PCOLCE2: variants seen among roughly 807,000 people sequenced by gnomAD.
PCOLCE2 encodes procollagen C-proteinase enhancer 2.
PCOLCE2 carries 42 observed loss-of-function variants against 47.0 expected under a neutral mutation model. The ratio of observed to expected loss-of-function variants is 0.89; its 90% CI spans 0.70 to 1.16. The LOEUF is 1.16. Among genes scored for constraint, PCOLCE2 ranks in the 50% most tolerant of loss-of-function variants. PCOLCE2 has a pLI of 0.00. For missense variants in PCOLCE2, 500 were observed against 526.1 expected (o/e 0.95, Z 0.49); for synonymous variants, 169 against 191.7 (o/e 0.88, Z 0.98).
At chr3:142,829,889 G>A (rs940997700) in intron 5 of PCOLCE2, 43 bp from the exon 6 acceptor site, 11 of 1,183,556 alleles carry the variant, frequency 9.3e-6, no homozygotes, top group Admixed American at 6.7e-5. Flanking sequence ...ACTTAAAAGT[G>A]GTGCCTCTCT....
rs143280691 is a variant in PCOLCE2, at chr3:142,838,870, G to A, written c.610C>T (p.Arg204Ter). ...ELKFEKFDVERDNYCRYDYVA... is the reference protein window; with the variant it reads ...ELKFEKFDVE ...TAATCATATCGGCAGTAGTTATCTC[G>A]CTCCACATCAAACTTCTCAAACTTT... The change falls in exon 5 of 9, where the codon CGA becomes TGA. Residue 204 changes from arginine to a stop codon, truncating the protein, a stop_gained. Transcript: ENST00000295992. LOFTEE classifies it high-confidence loss of function. 5.7e-5 allele frequency: 92 copies of A among 1,612,498 alleles called. No individual in the cohort carries two copies. The highest frequency in any genetic ancestry group is 1.5e-4 in the South Asian group (14 of 91,032).
intron 2 of PCOLCE2, among the ~76,000 whole-genome samples, chr3:142,885,853 C>T (rs1170310488): frequency 6.6e-6 from 1 of 152,212 alleles, no homozygotes; most frequent in East Asian, 1.9e-4. Context: ...CTACAGAGTC[C>T]TGTTTACCTT....
intron 6 of PCOLCE2, among the ~76,000 whole-genome samples, chr3:142,828,866 C>T (rs1161385590): frequency 2.0e-5 from 3 of 152,198 alleles, no homozygotes; most frequent in Non-Finnish European, 4.4e-5. Flanking sequence ...AGGCAGTACA[C>T]GTCCACACCA....
chr3:142,819,474 T>C (rs1330208031), intron 8 of PCOLCE2, among the ~76,000 whole-genome samples: 1 of 152,134 alleles, frequency 6.6e-6, no homozygotes, highest in African/African-American at 2.4e-5. Flanking sequence ...GCTAGCAGCA[T>C]TATGAGACCT....
rs563783614 is a variant in PCOLCE2, at chr3:142,883,822, G to C, written c.192+3847C>G. Among the ~76,000 whole-genome samples the C allele has an allele frequency of 6.5e-3, 990 of 152,256 alleles. 7 individuals carry two copies. The highest frequency in any genetic ancestry group is 0.023 in the African/African-American group (949 of 41,542). ...CAAGGAACAGAGGTATTGATGATTT[G>C]CCGAGTTTGCAATGAATTTATAATG... On this transcript the variant is annotated intron_variant, in intron 2 of 8. Coordinates refer to ENST00000295992, the MANE Select transcript of PCOLCE2 (RefSeq NM_013363.4).
intron 5 of PCOLCE2, among the ~76,000 whole-genome samples, chr3:142,834,333 A>G (rs1937181089): frequency 6.6e-6 from 1 of 152,214 alleles, no homozygotes; most frequent in East Asian, 1.9e-4. Context: ...GCTAGGCTTA[A>G]TGGAAAACCA....
intron 2 of PCOLCE2, among the ~76,000 whole-genome samples, chr3:142,850,587 T>C (rs1937379175): frequency 6.6e-6 from 1 of 152,122 alleles, no homozygotes; most frequent in Non-Finnish European, 1.5e-5. Flanking sequence ...AATGGGCAAC[T>C]GAGTTAAGTG....
chr3:142,853,649 G>C (rs1381398772), intron 2 of PCOLCE2, among the ~76,000 whole-genome samples: 1 of 152,180 alleles, frequency 6.6e-6, no homozygotes, highest in Admixed American at 6.5e-5. Flanking sequence ...CCTGGCAGCA[G>C]AGCTCCAAAA....
intron 2 of PCOLCE2, among the ~76,000 whole-genome samples, chr3:142,882,271 A>C (rs1452814400): frequency 3.3e-5 from 5 of 151,912 alleles, no homozygotes; most frequent in African/African-American, 1.2e-4. Context: ...GATCTTGAAC[A>C]CCTTGCTGCA....
At chr3:142,830,034 T>A (rs144948421) in intron 5 of PCOLCE2, among the ~76,000 whole-genome samples, 188 bp from the exon 6 acceptor site, 43 of 152,356 alleles carry the variant, frequency 2.8e-4, no homozygotes, top group Non-Finnish European at 4.7e-4. Context: ...AGCTAGGCAC[T>A]GTGCTTTATG....
At chr3:142,853,372 C>T (rs555780783) in intron 2 of PCOLCE2, among the ~76,000 whole-genome samples, 1 of 152,254 alleles carries the variant, frequency 6.6e-6, no homozygotes, top group South Asian at 2.1e-4. Flanking sequence ...TAGCAGTGCT[C>T]CCCTCAGGTC....
rs762662333 is a variant in PCOLCE2, at chr3:142,823,527, C to A, written c.949+5G>T. The A allele has an allele frequency of 6.4e-7, 1 of 1,573,026 alleles. No individual in the cohort carries two copies. The highest frequency in any genetic ancestry group is 8.7e-7 in the Non-Finnish European group (1 of 1,145,704). ...AAGAGAAAAAGACTGGCTTTTATTT[C>A]TTACCAAAGTCACTTGAACAATAAT... is the stretch of plus-strand genomic sequence containing the variant. On this transcript the variant is annotated splice_donor_5th_base_variant and intron_variant, in intron 7 of 8. Coordinates refer to ENST00000295992, the MANE Select transcript of PCOLCE2 (RefSeq NM_013363.4).
intron 3 of PCOLCE2, among the ~76,000 whole-genome samples, chr3:142,845,891 C>T (rs911134218): frequency 6.6e-6 from 1 of 152,144 alleles, no homozygotes; most frequent in Non-Finnish European, 1.5e-5. Context: ...ACAAAAATCG[C>T]TTGAACCTGG....
intron 6 of PCOLCE2, among the ~76,000 whole-genome samples, chr3:142,828,270 G>C (rs1937108524): frequency 6.6e-6 from 1 of 152,230 alleles, no homozygotes; most frequent in Admixed American, 6.5e-5. Context: ...TGGGGACAAA[G>C]TGTGAAGGGT....
chr3:142,885,133 T>C (rs1329936938), intron 2 of PCOLCE2, among the ~76,000 whole-genome samples: 1 of 152,230 alleles, frequency 6.6e-6, no homozygotes, highest in East Asian at 1.9e-4. Context: ...TGGTAACAAC[T>C]AGGATTCACC....
At chr3:142,839,456 G>A (rs532223184) in intron 4 of PCOLCE2, among the ~76,000 whole-genome samples, 3 of 152,156 alleles carry the variant, frequency 2.0e-5, no homozygotes, top group Non-Finnish European at 4.4e-5. Context: ...GGAGTTTCAG[G>A]TGCCCGCCAC....
At chr3:142,874,169 G>T (rs141189591) in intron 2 of PCOLCE2, among the ~76,000 whole-genome samples, 2 of 152,264 alleles carry the variant, frequency 1.3e-5, no homozygotes, top group Middle Eastern at 3.4e-3. Context: ...TCCACCTCCC[G>T]GGTTCAAGCA....
intron 2 of PCOLCE2, among the ~76,000 whole-genome samples, chr3:142,859,050 A>T (rs1262742419): frequency 3.3e-5 from 5 of 151,528 alleles, no homozygotes; most frequent in Non-Finnish European, 5.9e-5. Context: ...TTGTCATACA[A>T]CACCCATGTT....
Position 142,888,950 on chromosome 3 carries a change from G to C in PCOLCE2, c.-54C>G, listed in dbSNP as rs565486224. On this transcript the variant is annotated 5_prime_UTR_variant, in exon 1 of 9. Transcript: ENST00000295992. ...CCACGGCGCGCGCGCCGGCACACAC[G>C]CCCCTCCGCACCCACCGCGCTCACA... The C allele has an allele frequency of 4.0e-6, 3 of 759,004 alleles. No individual in the cohort carries two copies. Among genetic ancestry groups the C allele is most frequent in the Non-Finnish European group, 3.8e-6 (2 of 520,002 alleles). The allele number at this position is 759,004 out of a possible 1,614,324, so 47.0% of individuals were successfully genotyped here.
Sources: gnomAD v4.1 joint callset for allele counts (sites outside exome capture counted in the v4.1 genomes callset) on GRCh38, gnomAD v4.1.1 for gene constraint, MANE v1.5 for transcripts, NCBI Gene and HGNC (gene_info 2026-07-23, HGNC 2026-07-21) for gene names.